The following COG3 variants were observed in gnomAD, a reference collection of about 807,000 sequenced individuals.
The protein encoded by COG3 is component of oligomeric golgi complex 3.
COG3 carries 32 observed loss-of-function variants against 114.1 expected under a neutral mutation model. The ratio of observed to expected loss-of-function variants is 0.28; its 90% CI spans 0.21 to 0.38. COG3 has a LOEUF of 0.38. COG3 is among the 10% of genes least tolerant of loss of function. The pLI is 1.00. For missense variants in COG3, 813 were observed against 973.2 expected (o/e 0.84, Z 2.19); for synonymous variants, 352 against 365.7 (o/e 0.96, Z 0.43).
At chr13:45,510,582 G>T (rs1317276731) in intron 15 of COG3, among the ~76,000 whole-genome samples, 1 of 152,210 alleles carries the variant, frequency 6.6e-6, no homozygotes, top group African/African-American at 2.4e-5. Flanking sequence ...ATTCCACATA[G>T]AACCCATTGT....
intron 14 of COG3, 145 bp downstream of exon 14, chr13:45,503,494 C>G: frequency 1.7e-6 from 1 of 584,242 alleles, no homozygotes; most frequent in Non-Finnish European, 3.1e-6. Flanking sequence ...AAGCCACAGA[C>G]AGAATTCAGT....
rs888491588 is a variant in COG3, at chr13:45,535,702, T to G, written c.*971T>G. ...CAGCTGTGTGGATCTCTAGCCCAGC[T>G]ACAGCAGAATACATTTTACCAGCAA... On this transcript the variant is annotated 3_prime_UTR_variant, in exon 23 of 23. Coordinates refer to ENST00000349995, the MANE Select transcript of COG3 (RefSeq NM_031431.4). The G allele has an allele frequency of 6.1e-6, 6 of 981,334 alleles. No homozygotes were observed. The highest frequency in any genetic ancestry group is 7.2e-6 in the Non-Finnish European group (6 of 828,344). 60.8% of individuals were successfully genotyped at this position (981,334 alleles called of 1,614,324 possible).
At chr13:45,526,447 A>G (rs2985985) in intron 20 of COG3, among the ~76,000 whole-genome samples, 126,099 of 152,018 alleles carry the variant, frequency 0.83, 52,458 homozygotes, top group Admixed American at 0.88. Flanking sequence ...AATTAGAAGA[A>G]TAGCTATGTA....
rs1873480794 is a variant in COG3 at position 45,535,332 on chromosome 13, A to T, written c.*601A>T. 15 of 985,484 alleles carry T rather than the reference A, an allele frequency of 1.5e-5. No homozygotes were observed. The highest frequency in any genetic ancestry group is 1.7e-5 in the Non-Finnish European group (14 of 829,962). The allele number at this position is 985,484 out of a possible 1,614,324, so 61.0% of individuals were successfully genotyped here. ...GTTTGATGTGAGGTAGTTTAAAGAT[A>T]CAAGGACTTTGTGTGAAGCTCCAGC... On this transcript the variant is annotated 3_prime_UTR_variant, in exon 23 of 23. Coordinates refer to ENST00000349995, the MANE Select transcript of COG3 (RefSeq NM_031431.4).
chr13:45,506,888 C>T (rs1420449419), intron 14 of COG3, among the ~76,000 whole-genome samples: 1 of 152,186 alleles, frequency 6.6e-6, no homozygotes, highest in African/African-American at 2.4e-5. Context: ...TGGAGGGACC[C>T]ATCTTGTGAA....
At chr13:45,475,575 A>G (rs61953476) in intron 1 of COG3, among the ~76,000 whole-genome samples, 174 of 152,294 alleles carry the variant, frequency 1.1e-3, no homozygotes, top group African/African-American at 3.9e-3. Flanking sequence ...ACTACTTTCA[A>G]TAGCACATAG....
chr13:45,535,469 T>C lies in COG3; in HGVS notation c.*738T>C. ...AATGAGTATCTTCATGGTATGATAG[T>C]GTGTGTTTGTGAGTGCGAAGTACCA... On this transcript the variant is annotated 3_prime_UTR_variant, in exon 23 of 23. Transcript: ENST00000349995. 1.0e-6 allele frequency: 1 copy of C among 985,398 alleles called. No individual in the cohort carries two copies. Among genetic ancestry groups the C allele is most frequent in the Non-Finnish European group, 1.2e-6 (1 of 829,932 alleles). 61.0% of individuals were successfully genotyped at this position (985,398 alleles called of 1,614,324 possible).
At chr13:45,482,504 G>C (rs772591998) in intron 6 of COG3, 31 bp downstream of exon 6, 2 of 1,026,280 alleles carry the variant, frequency 1.9e-6, no homozygotes, top group Middle Eastern at 2.1e-4. Context: ...ATGTTTTAAA[G>C]AAATCCTTAG....
intron 8 of COG3, among the ~76,000 whole-genome samples, chr13:45,488,294 G>A (rs537478589): frequency 6.6e-6 from 1 of 150,872 alleles, no homozygotes; most frequent in Admixed American, 6.6e-5. Context: ...GTAGAAATAA[G>A]TTCTAGTGTT....
At chr13:45,502,628 T>A (rs148362464) in intron 13 of COG3, among the ~76,000 whole-genome samples, 2 of 152,254 alleles carry the variant, frequency 1.3e-5, no homozygotes, top group African/African-American at 4.8e-5. Context: ...GCTATTAATT[T>A]TTTTTTTTAA....
At chr13:45,478,726 T>C (rs937596633) in intron 2 of COG3, among the ~76,000 whole-genome samples, 2 of 152,178 alleles carry the variant, frequency 1.3e-5, no homozygotes, top group Non-Finnish European at 2.9e-5. Context: ...CGACCTCAGG[T>C]GATCCGCCCA....
At position 45,530,728 on chromosome 13, in the gene COG3, A is replaced by G; in HGVS notation, c.2405A>G (p.Glu802Gly). The G allele has an allele frequency of 6.2e-7, 1 of 1,613,490 alleles. No individual in the cohort carries two copies. The highest frequency in any genetic ancestry group is 8.5e-7 in the Non-Finnish European group (1 of 1,179,424). The stretch of plus-strand genomic sequence containing the variant: ...CAGAAGTTCCACGCTCTGTTAAAGG[A>G]AGAGTTCAGCCCTGAAGACATCCAG... The part of the protein sequence containing the change: ...VFQKFHALLK[E>G]EFSPEDIQII... Residue 802 changes from glutamate to glycine, a missense_variant, in exon 22 of 23, where the codon GAA becomes GGA. Around this residue, in one of 2 missense-constraint regions of COG3, gnomAD observed 389 missense variants for 542.6 expected, o/e 0.72. Transcript: ENST00000349995.
At position 45,529,795 on chromosome 13, in the gene COG3, G is replaced by A; in HGVS notation, c.2235G>A (p.Lys745=). 3 of 1,607,176 alleles carry A rather than the reference G, an allele frequency of 1.9e-6. No homozygotes were observed. The highest frequency in any genetic ancestry group is 1.7e-6 in the Non-Finnish European group (2 of 1,176,048). ...ATGAGGTTACTTTATTTCCAGCAAAGGTCAATGACCTTGCGGCAACTGCAT... is the reference window on the plus strand; with the variant it reads ...ATGAGGTTACTTTATTTCCAGCAAAAGTCAATGACCTTGCGGCAACTGCAT... ...LSQQPWAQPA[K]VNDLAATAYK... is the part of the protein sequence containing the mutation. Residue 745 remains lysine, a synonymous_variant, in exon 21 of 23, where the codon AAG becomes AAA. Transcript: ENST00000349995.
rs1391199417 is a variant in COG3 at position 45,490,895 on chromosome 13, C to T, written c.925-20C>T. 2 of 1,512,430 alleles carry T rather than the reference C, an allele frequency of 1.3e-6. No individual in the cohort carries two copies. Among genetic ancestry groups the T allele is most frequent in the Non-Finnish European group, 9.1e-7 (1 of 1,103,114 alleles). 93.7% of individuals were successfully genotyped at this position (1,512,430 alleles called of 1,614,324 possible). ...ATATAACAGAGATGGTTTTTTGATG[C>T]ATTTTTTCTTACTTTGCAGACTCTT... On this transcript the variant is annotated intron_variant, in intron 8 of 22. Transcript: ENST00000349995.
chr13:45,514,199 C>T (rs1203679316), intron 16 of COG3, among the ~76,000 whole-genome samples: 6 of 114,424 alleles, frequency 5.2e-5, no homozygotes, highest in Non-Finnish European at 4.9e-5. Context: ...CTCACTCTGT[C>T]ACCCACGCTG....
chr13:45,519,871 G>A (rs575355365), intron 19 of COG3, among the ~76,000 whole-genome samples: 6 of 152,208 alleles, frequency 3.9e-5, no homozygotes, highest in African/African-American at 1.4e-4. Flanking sequence ...CCATTAACTG[G>A]CAAATGCCAG....
At chr13:45,497,771 G>A (rs1307326310) in intron 13 of COG3, among the ~76,000 whole-genome samples, 2 of 105,784 alleles carry the variant, frequency 1.9e-5, no homozygotes, top group East Asian at 5.8e-4. Context: ...GGGTGACAGA[G>A]CCAGACCCTG....
chr13:45,474,132 C>T (rs1219578720), intron 1 of COG3, among the ~76,000 whole-genome samples: 5 of 139,410 alleles, frequency 3.6e-5, no homozygotes, highest in Non-Finnish European at 6.1e-5. Flanking sequence ...TTTCCCACAT[C>T]TTTGTTTTCT....
chr13:45,534,379 G>A (rs1873411181), intron 22 of COG3: 1 of 224,112 alleles, frequency 4.5e-6, no homozygotes, highest in African/African-American at 2.3e-5. Flanking sequence ...CCAGTGCCCA[G>A]TGGCTGCCTC....
Sources: allele counts gnomAD v4.1 joint callset (sites outside exome capture counted in the v4.1 genomes callset), GRCh38; gene constraint gnomAD v4.1.1; regional missense constraint gnomAD v4.1.1; transcripts MANE v1.5; gene names NCBI Gene and HGNC (gene_info 2026-07-23, HGNC 2026-07-21).